ATP10B: variants seen among roughly 807,000 people sequenced by gnomAD.
The protein encoded by ATP10B is ATPase phospholipid transporting 10B (putative), also known as phospholipid-transporting ATPase VB.
A neutral mutation model predicts 141.2 loss-of-function variants in ATP10B; 122 were observed. The ratio of observed to expected loss-of-function variants is 0.86; its 90% confidence interval spans 0.75 to 1.00. ATP10B has a LOEUF of 1.00. Among genes scored for constraint, ATP10B ranks in the 50% least tolerant of loss-of-function variants. The probability of loss-of-function intolerance (pLI) is 0.00; values close to 1 mark genes in which losing one functional copy is unlikely to be tolerated. For synonymous variants in ATP10B, 685 were observed against 692.0 expected, an observed-to-expected ratio of 0.99 and a Z score of 0.16; for missense variants, 1,876 against 1,825.3, an observed-to-expected ratio of 1.03 and a Z score of -0.51.
intron 3 of ATP10B, among the ~76,000 whole-genome samples, chr5:160,709,034 C>A (rs757993700): frequency 2.6e-5 from 4 of 152,100 alleles, no homozygotes; most frequent in Non-Finnish European, 5.9e-5. Flanking sequence ...CAGACAGACC[C>A]CTTGGAAAAT....
intron 1 of ATP10B, among the ~76,000 whole-genome samples, chr5:160,792,897 C>G (rs535736131): frequency 6.6e-6 from 1 of 152,234 alleles, no homozygotes; most frequent in African/African-American, 2.4e-5. Flanking sequence ...ACCTAAAACA[C>G]TCAACTGAAC....
the ATP10B span, among the ~76,000 whole-genome samples, chr5:160,892,561 C>T: frequency 6.6e-6 from 1 of 152,140 alleles, no homozygotes; most frequent in African/African-American, 2.4e-5. Flanking sequence ...AAACTATGAA[C>T]TACATTAAGC....
At chr5:160,925,723 G>A in the ATP10B span, among the ~76,000 whole-genome samples, 2 of 152,290 alleles carry the variant, frequency 1.3e-5, no homozygotes, top group East Asian at 1.9e-4. Flanking sequence ...TGAGTTAGTT[G>A]ATTTCATGTT....
chr5:160,830,441 T>C (rs143206921), intron 1 of ATP10B, among the ~76,000 whole-genome samples: 38 of 152,252 alleles, frequency 2.5e-4, no homozygotes, highest in African/African-American at 7.2e-4. Flanking sequence ...GTTTTCTGTA[T>C]ATGGCAAATT....
At chr5:160,699,153 A>G (rs958017415) in intron 3 of ATP10B, among the ~76,000 whole-genome samples, 1 of 152,194 alleles carries the variant, frequency 6.6e-6, no homozygotes, top group African/African-American at 2.4e-5. Flanking sequence ...CTTCCTAATG[A>G]AAGGCAAAAT....
chr5:160,764,094 CCAGA>C (rs1769237352), intron 2 of ATP10B, among the ~76,000 whole-genome samples: 2 of 152,052 alleles, frequency 1.3e-5, no homozygotes, highest in South Asian at 2.1e-4. Context: ...AACTTCAGGA[CCAGA>C]CAAATTCACA....
chr5:160,909,604 G>A, the ATP10B span, among the ~76,000 whole-genome samples: 2 of 152,336 alleles, frequency 1.3e-5, no homozygotes, highest in Admixed American at 1.3e-4. Flanking sequence ...AGAGACAGCT[G>A]AGGAGCTGAT....
intron 1 of ATP10B, among the ~76,000 whole-genome samples, chr5:160,794,960 CACTT>C (rs1285291620): frequency 2.0e-5 from 3 of 152,112 alleles, no homozygotes; most frequent in African/African-American, 4.8e-5. Flanking sequence ...GCATTTGTCT[CACTT>C]ATTTATTGTC....
intron 6 of ATP10B, among the ~76,000 whole-genome samples, chr5:160,682,900 G>T (rs1019708933): frequency 1.3e-5 from 2 of 151,624 alleles, no homozygotes; most frequent in African/African-American, 4.8e-5. Context: ...TTAGCCAGGC[G>T]TGATGGCGGG....
At chr5:160,625,914 A>G (rs576815280) in intron 13 of ATP10B, among the ~76,000 whole-genome samples, 1 of 152,340 alleles carries the variant, frequency 6.6e-6, no homozygotes, top group South Asian at 2.1e-4. Context: ...CCAATCTTGT[A>G]GCAATGCATT....
rs1296566 is a variant in ATP10B at position 160,653,849 on chromosome 5, A to G, written c.676-4593T>C. On this transcript the variant is annotated intron_variant, in intron 7 of 25. Transcript: ENST00000327245. ...GTATATACATATATATTATATATAC[A>G]TATATAAATATATATTAATATACGT... is the stretch of plus-strand genomic sequence containing the variant. 2.2e-4 allele frequency among the ~76,000 whole-genome samples: 28 copies of G among 126,498 alleles called. 2 individuals are homozygous for G. Among genetic ancestry groups the G allele is most frequent in the South Asian group, 4.7e-4 (2 of 4,274 alleles). 83.0% of individuals were successfully genotyped at this position (126,498 alleles called of 152,430 possible).
chr5:160,786,370 CCCT>C (rs1771145248), intron 1 of ATP10B, among the ~76,000 whole-genome samples: 1 of 152,116 alleles, frequency 6.6e-6, no homozygotes, highest in South Asian at 2.1e-4. Flanking sequence ...ACTATACATA[CCCT>C]TCTCTGCTTA....
At chr5:160,734,099 T>A (rs1456160146) in intron 2 of ATP10B, among the ~76,000 whole-genome samples, 1 of 65,684 alleles carries the variant, frequency 1.5e-5, no homozygotes, top group Non-Finnish European at 2.6e-5. Context: ...AGAGTGAGAC[T>A]CCATCTCAAA....
intron 11 of ATP10B, among the ~76,000 whole-genome samples, chr5:160,635,660 G>A (rs1759311541): frequency 6.6e-6 from 1 of 152,126 alleles, no homozygotes; most frequent in Admixed American, 6.5e-5. Flanking sequence ...TTAGAGACAC[G>A]AAGGTTTTAA....
At chr5:160,590,095 G>A (rs969712760) in intron 23 of ATP10B, among the ~76,000 whole-genome samples, 3 of 152,134 alleles carry the variant, frequency 2.0e-5, no homozygotes, top group Non-Finnish European at 4.4e-5. Flanking sequence ...AAGGTACCCT[G>A]GGAACACAGA....
intron 7 of ATP10B, among the ~76,000 whole-genome samples, chr5:160,661,881 T>G (rs917656421): frequency 1.3e-5 from 2 of 152,200 alleles, no homozygotes; most frequent in African/African-American, 2.4e-5. Flanking sequence ...GGTGACATGA[T>G]TGTATATCTA....
chr5:160,826,552 C>T (rs1221954911), intron 1 of ATP10B, among the ~76,000 whole-genome samples: 1 of 152,020 alleles, frequency 6.6e-6, no homozygotes, highest in Non-Finnish European at 1.5e-5. Context: ...AATCAGTGCA[C>T]CTTGAAAAAG....
chr5:160,598,664 A>C, intron 22 of ATP10B, 106 bp downstream of exon 22: 1 of 959,862 alleles, frequency 1.0e-6, no homozygotes, highest in Non-Finnish European at 1.6e-6. Context: ...GTCAGAATGC[A>C]GGCTTCTGAC....
intron 7 of ATP10B, among the ~76,000 whole-genome samples, chr5:160,662,135 G>A (rs1440128476): frequency 6.6e-6 from 1 of 152,120 alleles, no homozygotes; most frequent in East Asian, 1.9e-4. Flanking sequence ...ACTGCTCAAT[G>A]AAATAAAAGA....
Sources: allele counts gnomAD v4.1 joint callset (sites outside exome capture counted in the v4.1 genomes callset), GRCh38; gene constraint gnomAD v4.1.1; transcripts MANE v1.5; gene names NCBI Gene and HGNC (gene_info 2026-07-23, HGNC 2026-07-21).